The following NVL variants were observed in gnomAD, a reference collection of about 807,000 sequenced individuals.
NVL encodes nuclear VCP like.
Under a neutral mutation model 110.2 loss-of-function variants are expected in NVL, and 84 were observed. The observed-to-expected ratio is 0.76, with a 90% confidence interval of 0.64 to 0.91. The LOEUF is 0.91. Among genes scored for constraint, NVL ranks in the 40% least tolerant of loss-of-function variants. The pLI, the probability that NVL is intolerant of heterozygous loss-of-function variation, is 0.00. For missense variants in NVL, 882 were observed against 1,035.9 expected (o/e 0.85, Z 2.04); for synonymous variants, 354 against 361.1 (o/e 0.98, Z 0.22).
intron 19 of NVL, among the ~76,000 whole-genome samples, chr1:224,239,986 C>T (rs1383197783): frequency 6.6e-6 from 1 of 152,028 alleles, no homozygotes; most frequent in African/African-American, 2.4e-5. Context: ...CAACTTACGC[C>T]TCCCAGGTTC....
At position 224,324,551 on chromosome 1, in the gene NVL, C is replaced by T. The variant is rs185881704; in HGVS notation, c.131+1840G>A. 4.7e-3 allele frequency among the ~76,000 whole-genome samples: 721 copies of T among 152,338 alleles called. 10 individuals are homozygous for T. Among genetic ancestry groups the T allele is most frequent in the African/African-American group, 0.016 (678 of 41,576 alleles). ...TCAAGCGATCCTCCCACCTCAGCCT[C>T]TTGAGTAGCAAGGACTACAGGTTCA... is the stretch of plus-strand genomic sequence containing the variant. On this transcript the variant is annotated intron_variant, in intron 2 of 22. Transcript: ENST00000281701.
At chr1:224,230,694 T>C (rs1282372098) in intron 22 of NVL, among the ~76,000 whole-genome samples, 2 of 152,216 alleles carry the variant, frequency 1.3e-5, no homozygotes, top group East Asian at 3.8e-4. Flanking sequence ...TTAGGAAAAC[T>C]GTGTTCTAGT....
chr1:224,263,871 C>T (rs1012008912), intron 18 of NVL, among the ~76,000 whole-genome samples: 12 of 151,990 alleles, frequency 7.9e-5, no homozygotes, highest in South Asian at 2.1e-4. Context: ...CAAAATTAGC[C>T]GGGTGTGGTG....
rs1668650179 is a variant in NVL at position 224,303,817 on chromosome 1, A to C, written c.866T>G (p.Val289Gly). 1.9e-6 allele frequency: 3 copies of C among 1,613,650 alleles called. No homozygotes were observed. The highest frequency in any genetic ancestry group is 1.3e-5 in the African/African-American group (1 of 74,918). Residue 289 changes from valine to glycine, a missense_variant, in exon 9 of 23, where the codon GTG (valine) becomes GGG (glycine). Around this residue, in one of 4 missense-constraint regions of NVL, gnomAD observed 416 missense variants for 499.3 expected, o/e 0.83. Transcript: ENST00000281701. ...KMLIHMRHPE[V>G]YHHLGVVPPR... ...GGGCACGACGCCCAGGTGGTGGTAC[A>C]CCTCCGGGTGACGCATGTGTATGAG...
At chr1:224,273,481 T>A (rs1665407989) in intron 17 of NVL, among the ~76,000 whole-genome samples, 1 of 151,416 alleles carries the variant, frequency 6.6e-6, no homozygotes, top group Admixed American at 6.6e-5. Context: ...GCTCTGCCTA[T>A]GGAGCAGCCA....
At chr1:224,308,403 G>A (rs1669147975) in intron 5 of NVL, 140 bp from the exon 6 acceptor site, 1 of 752,726 alleles carries the variant, frequency 1.3e-6, no homozygotes, top group East Asian at 2.9e-5. Flanking sequence ...GAATATATAG[G>A]TGTTAGGCTG....
intron 18 of NVL, among the ~76,000 whole-genome samples, chr1:224,258,609 A>G (rs911871232): frequency 6.6e-5 from 10 of 152,208 alleles, no homozygotes; most frequent in African/African-American, 2.4e-4. Context: ...TGTTCATAGC[A>G]GCATTATTCA....
At chr1:224,317,090 G>T (rs1670163798) in intron 4 of NVL, among the ~76,000 whole-genome samples, 1 of 148,476 alleles carries the variant, frequency 6.7e-6, no homozygotes, top group African/African-American at 2.5e-5. Flanking sequence ...AGTGAGCCGA[G>T]ATGGTGCCAC....
At position 224,290,066 on chromosome 1, in the gene NVL, AT is replaced by A. The variant is rs540779348; in HGVS notation, c.1326-334del. Among the ~76,000 whole-genome samples the A allele has an allele frequency of 3.6e-3, 547 of 152,372 alleles. 4 individuals are homozygous for A. Among genetic ancestry groups the A allele is most frequent in the African/African-American group, 0.012 (511 of 41,590 alleles). ...ACTTATGGGGGTACTTTTAGAGTAG[AT>A]TAAATGGATATCTACCAGAAATAAA... is the stretch of plus-strand genomic sequence containing the variant. On this transcript the variant is annotated intron_variant, in intron 12 of 22. Transcript: ENST00000281701.
In NVL at chr1:224,319,814, T is replaced by C. The variant is rs557540721; in HGVS notation, c.132-1884A>G. Among the ~76,000 whole-genome samples, 6 of 152,258 alleles carry C rather than the reference T, an allele frequency of 3.9e-5. No individual in the cohort carries two copies. In the East Asian group the frequency reaches 1.2e-3, roughly 29 times the overall value. On this transcript the variant is annotated intron_variant, in intron 2 of 22. Transcript: ENST00000281701. Reference sequence around the variant, plus strand: ...TTATAAATTATTTATTAATTTCAAATTAATTTACAGTGGATCGATCAAAAC... The same window carrying C: ...TTATAAATTATTTATTAATTTCAAACTAATTTACAGTGGATCGATCAAAAC...
At chr1:224,304,281 T>C (rs1225172747) in intron 8 of NVL, among the ~76,000 whole-genome samples, 1 of 151,892 alleles carries the variant, frequency 6.6e-6, no homozygotes. Context: ...AAAAATTAGC[T>C]GGGCGTGGTG....
intron 19 of NVL, among the ~76,000 whole-genome samples, chr1:224,241,033 C>A (rs1661141976): frequency 6.6e-6 from 1 of 152,098 alleles, no homozygotes; most frequent in South Asian, 2.1e-4. Flanking sequence ...TGGTGATCCA[C>A]CCACCTTGGC....
intron 18 of NVL, among the ~76,000 whole-genome samples, chr1:224,256,220 T>C (rs1289018958): frequency 6.6e-6 from 1 of 151,538 alleles, no homozygotes; most frequent in Non-Finnish European, 1.5e-5. Flanking sequence ...AGGTCAGGAG[T>C]TCGAGACCAG....
chr1:224,277,405 C>A (rs567838703), intron 16 of NVL, among the ~76,000 whole-genome samples: 55 of 152,226 alleles, frequency 3.6e-4, no homozygotes, highest in Non-Finnish European at 7.5e-4. Flanking sequence ...TAAAAGAAGG[C>A]ATATCAGGGG....
At chr1:224,328,043 G>A (rs1333778303) in intron 1 of NVL, among the ~76,000 whole-genome samples, 2 of 152,164 alleles carry the variant, frequency 1.3e-5, no homozygotes, top group South Asian at 2.1e-4. Flanking sequence ...AAGGTTTTGA[G>A]CAGGGCTATG....
intron 19 of NVL, among the ~76,000 whole-genome samples, chr1:224,244,379 T>C (rs1056719936): frequency 6.6e-6 from 1 of 151,390 alleles, no homozygotes; most frequent in Non-Finnish European, 1.5e-5. Context: ...AAAAAAAAAA[T>C]TTCTACTTCT....
chr1:224,285,952 T>C, intron 15 of NVL, 74 bp downstream of exon 15: 1 of 1,111,458 alleles, frequency 9.0e-7, no homozygotes, highest in Non-Finnish European at 1.3e-6. Flanking sequence ...CTCACTGTAA[T>C]ATTTAAAGTT....
Position 224,303,744 on chromosome 1 carries a change from T to A in NVL, c.939A>T (p.Leu313Phe). 1 of 1,613,436 alleles carries A rather than the reference T, an allele frequency of 6.2e-7. No homozygotes were observed. The highest frequency in any genetic ancestry group is 8.5e-7 in the Non-Finnish European group (1 of 1,179,674). The change falls in exon 9 of 23, where the codon TTA becomes TTT. Residue 313 changes from leucine (L) to phenylalanine (F), a missense_variant. Coordinates refer to ENST00000281701, the MANE Select transcript of NVL (RefSeq NM_002533.4). The stretch of plus-strand genomic sequence containing the variant: ...TCACCCCAGCAATTGCATGTGCAAG[T>A]AATGTCTTCCCACAGCCTGGTGGTC... The part of the protein sequence containing the change: ...LHGPPGCGKT[L>F]LAHAIAGELD...
intron 21 of NVL, 96 bp downstream of exon 21, chr1:224,233,105 T>C: frequency 1.0e-6 from 1 of 981,930 alleles, no homozygotes; most frequent in South Asian, 1.6e-5. Flanking sequence ...AGCTTTAATA[T>C]CATAGATAAT....
Sources: allele counts gnomAD v4.1 joint callset (sites outside exome capture counted in the v4.1 genomes callset), GRCh38; gene constraint gnomAD v4.1.1; regional missense constraint gnomAD v4.1.1; transcripts MANE v1.5; gene names NCBI Gene and HGNC (gene_info 2026-07-23, HGNC 2026-07-21).